USP7: variants seen among roughly 807,000 people sequenced by gnomAD.
The protein encoded by USP7 is ubiquitin C-terminal hydrolase 7.
Under a neutral mutation model 162.9 loss-of-function variants are expected in USP7, and 9 were observed. The observed-to-expected ratio is 0.06, with a 90% CI of 0.03 to 0.10. USP7 has a LOEUF of 0.10. Ranked by LOEUF, USP7 falls within the 10% of genes least tolerant of loss-of-function variation. The probability of loss-of-function intolerance (pLI) is 1.00; values close to 1 mark genes in which losing one functional copy is unlikely to be tolerated. For missense variants in USP7, 715 were observed against 1,373.7 expected (o/e 0.52, Z 7.58); for synonymous variants, 562 against 475.9 (o/e 1.18, Z -2.35).
At chr16:8,936,050 C>T (rs560001079) in intron 1 of USP7, among the ~76,000 whole-genome samples, 2 of 152,306 alleles carry the variant, frequency 1.3e-5, no homozygotes, top group East Asian at 3.9e-4. Flanking sequence ...AAAAAGCTGG[C>T]AGGGGGCGGG....
At chr16:8,926,372 G>A (rs962567460) in intron 2 of USP7, among the ~76,000 whole-genome samples, 3 of 152,082 alleles carry the variant, frequency 2.0e-5, no homozygotes, top group Admixed American at 2.0e-4. Context: ...CCAGCTACTT[G>A]GGAGGTCGAG....
At chr16:8,951,186 T>C (rs1013671096) in intron 1 of USP7, among the ~76,000 whole-genome samples, 1 of 10,268 alleles carries the variant, frequency 9.7e-5, no homozygotes, top group South Asian at 3.3e-3. Context: ...GTTTGACTGC[T>C]ACAGTCACTT....
intron 2 of USP7, among the ~76,000 whole-genome samples, chr16:8,928,092 C>T (rs1286073222): frequency 6.6e-6 from 1 of 152,178 alleles, no homozygotes; most frequent in Admixed American, 6.5e-5. Context: ...CTGATACTTG[C>T]CCGAAATTCT....
chr16:8,897,450 C>G (rs2061700804), intron 25 of USP7, among the ~76,000 whole-genome samples: 1 of 151,942 alleles, frequency 6.6e-6, no homozygotes, highest in South Asian at 2.1e-4. Flanking sequence ...GATACAAGAC[C>G]AGAGGCAGAC....
rs1246446842 is a variant in USP7 at position 8,905,107 on chromosome 16, G to GA, written c.1573+79dup. ...AATAAGCATAAAATGTGTTTGGACA[G>GA]AAAAGGATATTGGAGATTCATGGTA... On this transcript the variant is annotated intron_variant, in intron 14 of 30. Coordinates refer to ENST00000344836, the MANE Select transcript of USP7 (RefSeq NM_003470.3). 8 of 1,530,706 alleles carry GA rather than the reference G, an allele frequency of 5.2e-6. No individual in the cohort carries two copies. The East Asian group carries it at 1.1e-4, about 22-fold the overall frequency. The allele number at this position is 1,530,706 out of a possible 1,614,324, so 94.8% of individuals were successfully genotyped here.
At chr16:8,927,240 T>C (rs1898058860) in intron 2 of USP7, among the ~76,000 whole-genome samples, 1 of 150,134 alleles carries the variant, frequency 6.7e-6, no homozygotes, top group South Asian at 2.1e-4. Flanking sequence ...GAGAATCGCT[T>C]GAACCCGGGA....
In USP7 at chr16:8,917,274, G is replaced by A. The variant is rs558067772; in HGVS notation, c.721-118C>T. The A allele has an allele frequency of 5.3e-5, 66 of 1,253,078 alleles. No homozygotes were observed. In the African/African-American group the frequency reaches 7.6e-4, roughly 14 times the overall value. The allele number at this position is 1,253,078 out of a possible 1,614,324, so 77.6% of individuals were successfully genotyped here. A position where few individuals can be genotyped will look rare whatever the true frequency, so the allele number is the denominator to read the frequency against. The stretch of plus-strand genomic sequence containing the variant: ...CATTTCTAATAACACAATGGCTAAG[G>A]TTGTTGTTAGGGCTTTTAACGATCC... On this transcript the variant is annotated intron_variant, in intron 6 of 30. Transcript: ENST00000344836.
At position 8,897,698 on chromosome 16, in the gene USP7, C is replaced by CCAAAAAAAAAAAA. The variant is rs1555461632; in HGVS notation, c.2719-600_2719-599insTTTTTTTTTTTTG. On this transcript the variant is annotated intron_variant, in intron 25 of 30. Transcript: ENST00000344836. ...GCAATATAGTGAGACCCTGTCTCTA[C>CCAAAAAAAAAAAA]AAAAAAAAAAAAAAAAAAAAAAAAA... is the stretch of plus-strand genomic sequence containing the variant. Among the ~76,000 whole-genome samples the CCAAAAAAAAAAAA allele has an allele frequency of 1.1e-4, 4 of 35,594 alleles. 1 individual carries two copies. Among genetic ancestry groups the CCAAAAAAAAAAAA allele is most frequent in the African/African-American group, 4.8e-4 (4 of 8,418 alleles). 23.4% of individuals were successfully genotyped at this position (35,594 alleles called of 152,430 possible).
rs1290322650 is a variant in USP7 at position 8,915,594 on chromosome 16, T to C, written c.907-69A>G. On this transcript the variant is annotated intron_variant, in intron 8 of 30. Coordinates refer to ENST00000344836, the MANE Select transcript of USP7 (RefSeq NM_003470.3). Reference sequence around the variant, plus strand: ...AGTAATATATACAGTAATTTTATAATTGACTAGAAATATCAATGTTCAAAG... The same window carrying C: ...AGTAATATATACAGTAATTTTATAACTGACTAGAAATATCAATGTTCAAAG... 20 of 1,327,482 alleles carry C rather than the reference T, an allele frequency of 1.5e-5. No individual in the cohort carries two copies. In the East Asian group the frequency reaches 4.0e-4, roughly 26 times the overall value. 82.2% of individuals were successfully genotyped at this position (1,327,482 alleles called of 1,614,324 possible). A position where few individuals can be genotyped will look rare whatever the true frequency, so the allele number is the denominator to read the frequency against.
intron 18 of USP7, 62 bp downstream of exon 18, chr16:8,902,020 C>A: frequency 1.4e-6 from 2 of 1,405,730 alleles, no homozygotes; most frequent in Non-Finnish European, 1.0e-6. Context: ...GTGTTTAGAA[C>A]AACAATCCAG....
chr16:8,956,246 G>A (rs949492678), intron 1 of USP7: 17 of 152,126 alleles, frequency 1.1e-4, no homozygotes, highest in African/African-American at 4.1e-4. Context: ...GTTTCACAAG[G>A]GAGCCTCCTT....
At chr16:8,933,732 G>T (rs573218649) in intron 1 of USP7, among the ~76,000 whole-genome samples, 11 of 151,644 alleles carry the variant, frequency 7.3e-5, no homozygotes, top group African/African-American at 2.7e-4. Context: ...TTACAGGCAT[G>T]TGCCACCCTG....
intron 22 of USP7, 123 bp downstream of exon 22, chr16:8,899,481 T>C: frequency 7.9e-7 from 1 of 1,270,390 alleles, no homozygotes; most frequent in African/African-American, 1.5e-5. Context: ...CAGTGGGAGA[T>C]TTCCTCGGGC....
At chr16:8,895,837 A>ATTT in intron 26 of USP7, 96 bp from the exon 27 acceptor site, 1 of 734,924 alleles carries the variant, frequency 1.4e-6, no homozygotes, top group Non-Finnish European at 2.0e-6. Flanking sequence ...TTACCACGAT[A>ATTT]TGTTTTTTTT....
intron 1 of USP7, among the ~76,000 whole-genome samples, chr16:8,952,387 T>C (rs934151470): frequency 4.6e-5 from 7 of 152,214 alleles, no homozygotes; most frequent in Admixed American, 2.6e-4. Context: ...TGACACACCT[T>C]GTTCTTTCAC....
chr16:8,930,447 T>C (rs201226219), intron 1 of USP7, 50 bp from the exon 2 acceptor site: 287 of 1,357,144 alleles, frequency 2.1e-4, no homozygotes, highest in Non-Finnish European at 2.8e-4. Context: ...ATGGCTTTAA[T>C]AGAATAAGCA....
chr16:8,900,783 C>T (rs1432711925), intron 20 of USP7, 153 bp from the exon 21 acceptor site: 2 of 721,254 alleles, frequency 2.8e-6, no homozygotes, highest in Admixed American at 3.3e-5. Context: ...ATGAATAAAT[C>T]CACAAATATG....
intron 8 of USP7, 44 bp downstream of exon 8, chr16:8,916,458 A>G (rs1897373563): frequency 6.3e-7 from 1 of 1,580,056 alleles, no homozygotes; most frequent in Non-Finnish European, 8.6e-7. Flanking sequence ...CCATGCTTCA[A>G]AATATTCATT....
At chr16:8,910,916 T>A in intron 10 of USP7, 89 bp from the exon 11 acceptor site, 1 of 1,110,202 alleles carries the variant, frequency 9.0e-7, no homozygotes, top group Non-Finnish European at 1.3e-6. Context: ...TCAGCATATT[T>A]AGGATTAGCA....
Sources: gnomAD v4.1 joint callset for allele counts (sites outside exome capture counted in the v4.1 genomes callset) on GRCh38, gnomAD v4.1.1 for gene constraint, MANE v1.5 for transcripts, NCBI Gene and HGNC (gene_info 2026-07-23, HGNC 2026-07-21) for gene names.